Variants in AP5B1 observed in about 807,000 individuals in gnomAD.
AP5B1 encodes the protein AP-5 complex subunit beta-1.
Under a neutral mutation model 5.7 loss-of-function variants are expected in AP5B1, and 3 were observed. The ratio of observed to expected loss-of-function variants is 0.53; its 90% CI spans 0.24 to 1.36. The LOEUF (loss-of-function observed/expected upper bound fraction) is 1.36, where lower values mean the gene tolerates loss of function less well. Among genes scored for constraint, AP5B1 ranks in the 40% most tolerant of loss-of-function variants. AP5B1 has a pLI of 0.17. For missense variants in AP5B1, 1,310 were observed against 1,143.2 expected (o/e 1.15, Z -2.10); for synonymous variants, 696 against 555.5 (o/e 1.25, Z -3.56).
Position 65,780,043 on chromosome 11 carries a change from G to A in AP5B1, c.450C>T (p.Ala150=). Reference sequence around the variant, plus strand: ...TCTCTAGCTCTCGCAGGCACTCGCAGGCCGTGGCCTGCAAGGGGCGCTGTT... The same window carrying A: ...TCTCTAGCTCTCGCAGGCACTCGCAAGCCGTGGCCTGCAAGGGGCGCTGTT... ...ASEQRPLQAT[A]CECLRELESC... Residue 150 remains alanine, a synonymous_variant, in exon 2 of 2, where the codon GCC becomes GCT. Coordinates refer to ENST00000532090, the MANE Select transcript of AP5B1 (RefSeq NM_138368.5). The A allele has an allele frequency of 6.4e-7, 1 of 1,553,610 alleles. No individual in the cohort carries two copies. The highest frequency in any genetic ancestry group is 8.7e-7 in the Non-Finnish European group (1 of 1,149,120).
Position 65,780,748 on chromosome 11 carries a change from G to T in AP5B1, c.-157C>A. 1.4e-6 allele frequency: 1 copy of T among 723,110 alleles called. No homozygotes were observed. Among genetic ancestry groups the T allele is most frequent in the Non-Finnish European group, 1.9e-6 (1 of 524,238 alleles). The allele number at this position is 723,110 out of a possible 1,614,324, so 44.8% of individuals were successfully genotyped here. ...CGCCCGGCTCCCACGGTGAGACCAG[G>T]GCTCTCGGGGCCGACGCCAGAGCTG... On this transcript the variant is annotated 5_prime_UTR_variant, in exon 1 of 2. Transcript: ENST00000532090.
At position 65,777,776 on chromosome 11, in the gene AP5B1, G is replaced by A. The variant is rs144545623; in HGVS notation, c.*80C>T. The A allele has an allele frequency of 3.8e-4, 537 of 1,411,188 alleles. 9 individuals carry two copies. In the East Asian group the frequency reaches 0.013, roughly 35 times the overall value. 87.4% of individuals were successfully genotyped at this position (1,411,188 alleles called of 1,614,324 possible). A position where few individuals can be genotyped will look rare whatever the true frequency, so the allele number is the denominator to read the frequency against. ...CCAGCGAGGGCACTGCGGAATGCAG[G>A]GTTTTGGCGACAGAGCTACAGGAGT... On this transcript the variant is annotated 3_prime_UTR_variant, in exon 2 of 2. Transcript: ENST00000532090.
chr11:65,780,836 C>A lies in AP5B1; in HGVS notation c.-245G>T. On this transcript the variant is annotated 5_prime_UTR_variant, in exon 1 of 2. Coordinates refer to ENST00000532090, the MANE Select transcript of AP5B1 (RefSeq NM_138368.5). ...CGGGGGAGGGTGCGTGCCGAGAGCT[C>A]GTTAGGCCGCCTCCCTCCCGCCCGC... The A allele has an allele frequency of 3.2e-6, 1 of 317,332 alleles. No homozygotes were observed. Among genetic ancestry groups the A allele is most frequent in the Non-Finnish European group, 5.7e-6 (1 of 176,764 alleles). The allele number at this position is 317,332 out of a possible 1,614,324, so 19.7% of individuals were successfully genotyped here.
chr11:65,776,480 G>A lies in AP5B1; in HGVS notation c.*1376C>T, dbSNP rs138506382. On this transcript the variant is annotated 3_prime_UTR_variant, in exon 2 of 2. Coordinates refer to ENST00000532090, the MANE Select transcript of AP5B1 (RefSeq NM_138368.5). Reference sequence around the variant, plus strand: ...ATCTGCGGGGCCCTGCAGAGCTGTTGCAAGGATGAAATGAGGCAACGTACA... The same window carrying A: ...ATCTGCGGGGCCCTGCAGAGCTGTTACAAGGATGAAATGAGGCAACGTACA... 25 of 152,282 alleles carry A rather than the reference G, an allele frequency of 1.6e-4. No homozygotes were observed. Among genetic ancestry groups the A allele is most frequent in the African/African-American group, 6.0e-4 (25 of 41,552 alleles). The allele number at this position is 152,282 out of a possible 1,614,324, so 9.4% of individuals were successfully genotyped here.
chr11:65,778,293 C>T lies in AP5B1; in HGVS notation c.2200G>A (p.Ala734Thr). 1 of 1,613,004 alleles carries T rather than the reference C, an allele frequency of 6.2e-7. No homozygotes were observed. Among genetic ancestry groups the T allele is most frequent in the Non-Finnish European group, 8.5e-7 (1 of 1,179,864 alleles). Residue 734 changes from alanine to threonine, a missense_variant, in exon 2 of 2, where the codon GCC (alanine) becomes ACC (threonine). Physicochemically the swap from Ala to Thr is moderately conservative, Grantham distance 58 (BLOSUM62 0). Coordinates refer to ENST00000532090, the MANE Select transcript of AP5B1 (RefSeq NM_138368.5). ...LLLPLQPRCP[A>T]PARLDVHALY... ...GCATGGACATCCAGCCGTGCGGGGG[C>T]CGGGCATCGGGGCTGCAGAGGCAGG...
chr11:65,780,089 CG>C lies in AP5B1; in HGVS notation c.403del (p.Arg135GlufsTer23), dbSNP rs1565226042. 1.3e-6 allele frequency: 2 copies of C among 1,524,698 alleles called. No homozygotes were observed. The highest frequency in any genetic ancestry group is 1.4e-5 in the African/African-American group (1 of 71,984). 94.4% of individuals were successfully genotyped at this position (1,524,698 alleles called of 1,614,324 possible). On this transcript the variant is annotated frameshift_variant, in exon 2 of 2. Transcript: ENST00000532090. LOFTEE classifies it low-confidence loss of function (END_TRUNC). ...LGLAAGSDLG[R>X]GFVPASEQRP... ...CTGTTCCGAGGCGGGGACAAAGCCTCGCCCCAGATCGCTACCCGCGGCCAGG... is the reference window on the plus strand; with the variant it reads ...CTGTTCCGAGGCGGGGACAAAGCCTCCCCCAGATCGCTACCCGCGGCCAGG...
Position 65,779,017 on chromosome 11 carries a change from C to G in AP5B1, c.1476G>C (p.Gln492His). ...CCAGCATGGGCCGGGCTTGGTACAGCTGGGCCAGTCCGTGGATCAAGGGGG... is the reference window on the plus strand; with the variant it reads ...CCAGCATGGGCCGGGCTTGGTACAGGTGGGCCAGTCCGTGGATCAAGGGGG... ...VLTPLIHGLA[Q>H]LYQARPMLAP... The change falls in exon 2 of 2, where the codon CAG (glutamine) becomes CAC (histidine). Residue 492 changes from glutamine to histidine, a missense_variant. Physicochemically the swap from Gln to His is conservative, Grantham distance 24. Coordinates refer to ENST00000532090, the MANE Select transcript of AP5B1 (RefSeq NM_138368.5). 6.2e-7 allele frequency: 1 copy of G among 1,608,900 alleles called. No homozygotes were observed. The highest frequency in any genetic ancestry group is 2.2e-5 in the East Asian group (1 of 44,844).
rs1857739993 is a variant in AP5B1, at chr11:65,774,253, C to T, written c.*3603G>A. ...AGTTTACATAACTGATTTGATAATC[C>T]AGGGCATTTGTTACAGCGTATCCAG... On this transcript the variant is annotated 3_prime_UTR_variant, in exon 2 of 2. Coordinates refer to ENST00000532090, the MANE Select transcript of AP5B1 (RefSeq NM_138368.5). Among the ~76,000 whole-genome samples, 1 of 152,148 alleles carries T rather than the reference C, an allele frequency of 6.6e-6. No individual in the cohort carries two copies. Among genetic ancestry groups the T allele is most frequent in the African/African-American group, 2.4e-5 (1 of 41,414 alleles).
rs1274285956 is a variant in AP5B1 at position 65,780,723 on chromosome 11, C to T, written c.-132G>A. 15 of 989,556 alleles carry T rather than the reference C, an allele frequency of 1.5e-5. No homozygotes were observed. Among genetic ancestry groups the T allele is most frequent in the Non-Finnish European group, 1.8e-5 (14 of 762,778 alleles). The allele number at this position is 989,556 out of a possible 1,614,324, so 61.3% of individuals were successfully genotyped here. On this transcript the variant is annotated 5_prime_UTR_variant, in exon 1 of 2. Transcript: ENST00000532090. ...GCCGCGCAGATGCCGGCGGGACCCG[C>T]GCCCGGCTCCCACGGTGAGACCAGG...
In AP5B1 at chr11:65,779,936, C is replaced by A; in HGVS notation, c.557G>T (p.Ser186Ile). Residue 186 changes from serine (S) to isoleucine (I), a missense_variant, in exon 2 of 2, where the codon AGC (serine) becomes ATC (isoleucine). Ser to Ile is a moderately radical substitution (Grantham distance 142, BLOSUM62 -2). Transcript: ENST00000532090. ...LGQEGPVQPL[S>I]LLLALALRNT... Reference sequence around the variant, plus strand: ...GCGCAAAGCGAGGGCCAGCAACAGGCTGAGTGGCTGGACAGGGCCTTCCTG... The same window carrying A: ...GCGCAAAGCGAGGGCCAGCAACAGGATGAGTGGCTGGACAGGGCCTTCCTG... 1 of 1,591,334 alleles carries A rather than the reference C, an allele frequency of 6.3e-7. No homozygotes were observed. The highest frequency in any genetic ancestry group is 8.6e-7 in the Non-Finnish European group (1 of 1,169,214).
rs1171180466 is a variant in AP5B1, at chr11:65,780,291, C to A, written c.202G>T (p.Ala68Ser). The change falls in exon 2 of 2, where the codon GCC becomes TCC. Residue 68 changes from alanine to serine, a missense_variant. Coordinates refer to ENST00000532090, the MANE Select transcript of AP5B1 (RefSeq NM_138368.5). ...MEYPAQLWPD[A>S]SAAEVAATSL... is the part of the protein sequence containing the mutation. ...GTGGCGGCCACTTCGGCCGCAGAGGCGTCGGGCCACAGCTGCGCAGGGTAC... is the reference window on the plus strand; with the variant it reads ...GTGGCGGCCACTTCGGCCGCAGAGGAGTCGGGCCACAGCTGCGCAGGGTAC... 1 of 1,499,310 alleles carries A rather than the reference C, an allele frequency of 6.7e-7. No individual in the cohort carries two copies. Among genetic ancestry groups the A allele is most frequent in the South Asian group, 1.4e-5 (1 of 73,486 alleles). 92.9% of individuals were successfully genotyped at this position (1,499,310 alleles called of 1,614,324 possible).
rs559006107 is a variant in AP5B1, at chr11:65,779,790, G to A, written c.703C>T (p.Leu235Phe). The A allele has an allele frequency of 1.3e-5, 21 of 1,584,174 alleles. No homozygotes were observed. The highest frequency in any genetic ancestry group is 1.8e-5 in the Non-Finnish European group (21 of 1,165,540). ...WTLVEEGDGR[L>F]QPQAPSWPAA... ...GGCCAGCTGGGTGCCTGGGGCTGAAGGCGTCCATCGCCCTCCTCCACTAGT... is the reference window on the plus strand; with the variant it reads ...GGCCAGCTGGGTGCCTGGGGCTGAAAGCGTCCATCGCCCTCCTCCACTAGT... The change falls in exon 2 of 2, where the codon CTT (leucine) becomes TTT (phenylalanine). Residue 235 changes from leucine to phenylalanine, a missense_variant. Transcript: ENST00000532090.
chr11:65,779,050 C>G lies in AP5B1; in HGVS notation c.1443G>C (p.Thr481=). The part of the protein sequence containing the change: ...LVACCLAGQP[T]VLTPLIHGLA... ...GTCCGTGGATCAAGGGGGTCAGCACCGTAGGTTGCCCAGCCAGGCAGCAGG... is the reference window on the plus strand; with the variant it reads ...GTCCGTGGATCAAGGGGGTCAGCACGGTAGGTTGCCCAGCCAGGCAGCAGG... The change falls in exon 2 of 2, where the codon ACG becomes ACC. Residue 481 remains threonine (T), a synonymous_variant. Transcript: ENST00000532090. 6.2e-7 allele frequency: 1 copy of G among 1,606,976 alleles called. No individual in the cohort carries two copies. Among genetic ancestry groups the G allele is most frequent in the African/African-American group, 1.3e-5 (1 of 74,988 alleles).
Position 65,779,836 on chromosome 11 carries a change from C to G in AP5B1, c.657G>C (p.Gly219=). 6.3e-7 allele frequency: 1 copy of G among 1,591,404 alleles called. No individual in the cohort carries two copies. The highest frequency in any genetic ancestry group is 8.6e-7 in the Non-Finnish European group (1 of 1,168,970). The change falls in exon 2 of 2, where the codon GGG becomes GGC. Residue 219 remains glycine, a synonymous_variant. Coordinates refer to ENST00000532090, the MANE Select transcript of AP5B1 (RefSeq NM_138368.5). ...GLLTDKVSPT[G]GGPWDWTLVE... is the part of the protein sequence containing the mutation. ...CTAGTGTCCAATCCCAGGGACCACC[C>G]CCAGTTGGGGAGACCTTATCCGTGA...
At position 65,775,237 on chromosome 11, in the gene AP5B1, T is replaced by C. The variant is rs1182414805; in HGVS notation, c.*2619A>G. On this transcript the variant is annotated 3_prime_UTR_variant, in exon 2 of 2. Transcript: ENST00000532090. Reference sequence around the variant, plus strand: ...CTGAAAGTCATCTGGTGTCCACAACTGGAGGAATGGATGGATAAAATGGGA... The same window carrying C: ...CTGAAAGTCATCTGGTGTCCACAACCGGAGGAATGGATGGATAAAATGGGA... Among the ~76,000 whole-genome samples the C allele has an allele frequency of 6.6e-6, 1 of 151,964 alleles. No individual in the cohort carries two copies. Among genetic ancestry groups the C allele is most frequent in the African/African-American group, 2.4e-5 (1 of 41,346 alleles).
At position 65,778,550 on chromosome 11, in the gene AP5B1, T is replaced by C; in HGVS notation, c.1943A>G (p.Asn648Ser). The part of the protein sequence containing the change: ...PALASSLVAE[N>S]QGFVAALMVQ... ...CATCAGTGCTGCCACAAAGCCCTGG[T>C]TCTCGGCCACCAGTGAAGAGGCCAG... The change falls in exon 2 of 2, where the codon AAC becomes AGC. Residue 648 changes from asparagine (N) to serine (S), a missense_variant. By Grantham distance (46) the Asn-to-Ser change is conservative. Transcript: ENST00000532090. The C allele has an allele frequency of 6.3e-7, 1 of 1,581,512 alleles. No individual in the cohort carries two copies. The highest frequency in any genetic ancestry group is 8.6e-7 in the Non-Finnish European group (1 of 1,166,146).
In AP5B1 at chr11:65,779,971, GC is replaced by G; in HGVS notation, c.521del (p.Gly174AlafsTer54). Reference protein sequence around the residue: ...LLGGSLGLLRGLLGQEGPVQP... With the variant: ...LLGGSLGLLRXLLGQEGPVQP... ...GGACAGGGCCTTCCTGCCCCAGCAG[GC>G]CCCGCAGCAACCCCAGGGAGCCCCC... On this transcript the variant is annotated frameshift_variant, in exon 2 of 2. Transcript: ENST00000532090. LOFTEE classifies it low-confidence loss of function (END_TRUNC). The G allele has an allele frequency of 6.3e-7, 1 of 1,582,382 alleles. No homozygotes were observed. Among genetic ancestry groups the G allele is most frequent in the South Asian group, 1.1e-5 (1 of 87,990 alleles).
Position 65,779,199 on chromosome 11 carries a change from C to T in AP5B1, c.1294G>A (p.Gly432Ser), listed in dbSNP as rs1857809440. 1.1e-5 allele frequency: 17 copies of T among 1,607,230 alleles called. No homozygotes were observed. Among genetic ancestry groups the T allele is most frequent in the Non-Finnish European group, 1.2e-5 (14 of 1,176,936 alleles). ...TAGTGCCGTGGGCTTGGAAGCTGGC[C>T]TTTCTCCTCTTCTTCCTCCTCGGCA... Reference protein sequence around the residue: ...LCAEEEEEEKGQLPSPRHYLE... With the variant: ...LCAEEEEEEKSQLPSPRHYLE... The change falls in exon 2 of 2, where the codon GGC (glycine) becomes AGC (serine). Residue 432 changes from glycine (G) to serine (S), a missense_variant. Gly to Ser is a moderately conservative substitution (Grantham distance 56, BLOSUM62 0). Transcript: ENST00000532090.
Position 65,775,548 on chromosome 11 carries a change from G to A in AP5B1, c.*2308C>T, listed in dbSNP as rs541570356. 3.9e-5 allele frequency among the ~76,000 whole-genome samples: 6 copies of A among 152,306 alleles called. No individual in the cohort carries two copies. Among genetic ancestry groups the A allele is most frequent in the Admixed American group, 2.6e-4 (4 of 15,302 alleles). ...GCACCACGCTTCTGGCTTTGTGGGT[G>A]TCAGGAGGCAGGAGTGGCAGTCCCA... On this transcript the variant is annotated 3_prime_UTR_variant, in exon 2 of 2. Transcript: ENST00000532090.
Sources: allele counts gnomAD v4.1 joint callset (sites outside exome capture counted in the v4.1 genomes callset), GRCh38; gene constraint gnomAD v4.1.1; transcripts MANE v1.5; gene names NCBI Gene and HGNC (gene_info 2026-07-23, HGNC 2026-07-21).